Variants in CSMD1 observed in about 807,000 individuals in gnomAD.
The protein encoded by CSMD1 is CUB and Sushi multiple domains 1.
A neutral mutation model predicts 417.5 loss-of-function variants in CSMD1; 213 were observed. The ratio of observed to expected loss-of-function variants is 0.51; its 90% confidence interval spans 0.46 to 0.57. The LOEUF (loss-of-function observed/expected upper bound fraction) is 0.57, where lower values mean the gene tolerates loss of function less well. Ranked by LOEUF, CSMD1 falls within the 20% of genes least tolerant of loss-of-function variation. CSMD1 has a pLI of 0.00. For missense variants in CSMD1, 6,923 were observed against 4,529.7 expected (o/e 1.53, Z -15.17); for synonymous variants, 2,862 against 1,736.8 (o/e 1.65, Z -16.11).
chr8:3,106,170 G>A (rs899288716), intron 46 of CSMD1, among the ~76,000 whole-genome samples: 5 of 150,030 alleles, frequency 3.3e-5, no homozygotes, highest in Admixed American at 2.0e-4. Context: ...TAGATAGCTC[G>A]AGTCCAGAAG....
At chr8:4,704,180 G>A (rs889775605) in intron 1 of CSMD1, among the ~76,000 whole-genome samples, 6 of 152,172 alleles carry the variant, frequency 3.9e-5, no homozygotes, top group Admixed American at 2.6e-4. Context: ...CTATTAACAC[G>A]TAAGTCAAAT....
At chr8:3,899,751 G>A (rs1807605831) in intron 5 of CSMD1, among the ~76,000 whole-genome samples, 1 of 152,140 alleles carries the variant, frequency 6.6e-6, no homozygotes, top group African/African-American at 2.4e-5. Context: ...TGGAAGGGCT[G>A]TATGACCAGC....
intron 49 of CSMD1, among the ~76,000 whole-genome samples, chr8:3,076,646 T>C (rs1239918946): frequency 6.6e-6 from 1 of 152,198 alleles, no homozygotes; most frequent in African/African-American, 2.4e-5. Context: ...ACCGCTGGCC[T>C]AATTTCAAGC....
chr8:3,588,372 G>C lies in CSMD1; in HGVS notation c.1098-2112C>G, dbSNP rs182072029. Among the ~76,000 whole-genome samples the C allele has an allele frequency of 7.2e-5, 11 of 152,218 alleles. No individual in the cohort carries two copies. The East Asian group carries it at 1.7e-3, about 24-fold the overall frequency. Reference sequence around the variant, plus strand: ...GAAGAAAATAAATAAAATGACATGAGAGTCCTCGGGTAGGAAGAGTTGGAA... The same window carrying C: ...GAAGAAAATAAATAAAATGACATGACAGTCCTCGGGTAGGAAGAGTTGGAA... On this transcript the variant is annotated intron_variant, in intron 8 of 69. Coordinates refer to ENST00000635120, the MANE Select transcript of CSMD1 (RefSeq NM_033225.6).
chr8:4,521,787 G>C (rs908537588), intron 2 of CSMD1, among the ~76,000 whole-genome samples: 6 of 152,100 alleles, frequency 3.9e-5, no homozygotes, highest in Admixed American at 1.3e-4. Flanking sequence ...ACTTAAGTGT[G>C]AAAGGAAAAC....
intron 3 of CSMD1, among the ~76,000 whole-genome samples, chr8:4,227,736 C>A (rs777689911): frequency 2.6e-5 from 4 of 151,766 alleles, no homozygotes; most frequent in Admixed American, 6.6e-5. Context: ...TTAACTCCCA[C>A]ACCTGGAGAC....
chr8:3,693,041 A>G (rs1482308524), intron 7 of CSMD1, among the ~76,000 whole-genome samples: 6 of 152,314 alleles, frequency 3.9e-5, no homozygotes, highest in African/African-American at 7.2e-5. Context: ...GGTTTACAAT[A>G]TTAAAGTTCT....
intron 1 of CSMD1, among the ~76,000 whole-genome samples, chr8:4,682,597 G>C (rs1450955088): frequency 1.3e-5 from 2 of 151,974 alleles, no homozygotes; most frequent in Admixed American, 6.6e-5. Context: ...GATGCAGTCT[G>C]AACACTCTAA....
chr8:3,224,602 C>T (rs1052614675), intron 27 of CSMD1, among the ~76,000 whole-genome samples: 2 of 152,156 alleles, frequency 1.3e-5, no homozygotes, highest in Non-Finnish European at 2.9e-5. Context: ...CTGAAAATAT[C>T]ATTTGATCAC....
chr8:3,634,377 C>T (rs1796930847), intron 7 of CSMD1, among the ~76,000 whole-genome samples: 1 of 152,184 alleles, frequency 6.6e-6, no homozygotes, highest in African/African-American at 2.4e-5. Context: ...CTTCTATAGG[C>T]ACCGAGGCTC....
At chr8:3,903,926 T>G (rs935918133) in intron 5 of CSMD1, among the ~76,000 whole-genome samples, 1 of 152,132 alleles carries the variant, frequency 6.6e-6, no homozygotes, top group East Asian at 1.9e-4. Context: ...ATGTACCTCT[T>G]TGGTTCACTA....
intron 3 of CSMD1, among the ~76,000 whole-genome samples, chr8:4,311,994 TAA>T (rs1227699545): frequency 6.6e-6 from 1 of 152,018 alleles, no homozygotes; most frequent in Admixed American, 6.6e-5. Context: ...ATTCAGCATA[TAA>T]AAAAGAAATG....
At chr8:3,136,311 C>CA (rs1818085806) in intron 41 of CSMD1, among the ~76,000 whole-genome samples, 1 of 149,082 alleles carries the variant, frequency 6.7e-6, no homozygotes, top group Admixed American at 6.8e-5. Flanking sequence ...GACTGGAGTG[C>CA]AATGGCATGA....
chr8:3,967,427 A>G (rs991027673), intron 5 of CSMD1, among the ~76,000 whole-genome samples: 1 of 149,756 alleles, frequency 6.7e-6, no homozygotes, highest in African/African-American at 2.5e-5. Flanking sequence ...TGATGCTTTC[A>G]AAGTCCTCAT....
intron 11 of CSMD1, among the ~76,000 whole-genome samples, chr8:3,483,828 A>C (rs1222991172): frequency 1.3e-5 from 2 of 152,196 alleles, no homozygotes; most frequent in Admixed American, 6.5e-5. Context: ...TGAAAGGCTG[A>C]GTCAACTTTT....
At chr8:3,458,682 A>G (rs1816306800) in intron 12 of CSMD1, among the ~76,000 whole-genome samples, 1 of 152,236 alleles carries the variant, frequency 6.6e-6, no homozygotes, top group Non-Finnish European at 1.5e-5. Flanking sequence ...ATGAACACAT[A>G]TAATCTATTA....
At chr8:3,932,389 C>T (rs529923805) in intron 5 of CSMD1, among the ~76,000 whole-genome samples, 1 of 150,544 alleles carries the variant, frequency 6.6e-6, no homozygotes, top group African/African-American at 2.4e-5. Flanking sequence ...TTTGCTATGC[C>T]TGCAACATAT....
intron 41 of CSMD1, among the ~76,000 whole-genome samples, chr8:3,141,946 C>T (rs1034209298): frequency 5.3e-5 from 8 of 152,110 alleles, no homozygotes; most frequent in East Asian, 1.9e-4. Flanking sequence ...TACAGGCGCC[C>T]GCCACTATGC....
chr8:3,305,423 G>C (rs1005522932), intron 25 of CSMD1, among the ~76,000 whole-genome samples: 1 of 152,106 alleles, frequency 6.6e-6, no homozygotes, highest in Admixed American at 6.6e-5. Flanking sequence ...GAAAGTGGGA[G>C]CCCTTATGAG....
Sources: allele counts gnomAD v4.1 joint callset (sites outside exome capture counted in the v4.1 genomes callset), GRCh38; gene constraint gnomAD v4.1.1; transcripts MANE v1.5; gene names NCBI Gene and HGNC (gene_info 2026-07-23, HGNC 2026-07-21).